Variants in DTNA observed in about 807,000 individuals in gnomAD.
The protein encoded by DTNA is dystrophin-related protein 3.
In DTNA, 43 loss-of-function variants were observed where a neutral mutation model predicts 100.7. The observed-to-expected ratio is 0.43, with a 90% confidence interval of 0.33 to 0.55. DTNA has a LOEUF of 0.55. Among genes scored for constraint, DTNA ranks in the 20% least tolerant of loss-of-function variants. The pLI, the probability that DTNA is intolerant of heterozygous loss-of-function variation, is 0.04. For synonymous variants in DTNA, 349 were observed against 347.9 expected, an observed-to-expected ratio of 1.00 and a Z score of -0.04; for missense variants, 798 against 953.9, an observed-to-expected ratio of 0.84 and a Z score of 2.15.
Position 34,788,054 on chromosome 18 carries a change from C to T in DTNA, c.149-5983C>T, listed in dbSNP as rs144190811. Among the ~76,000 whole-genome samples, 962 of 152,298 alleles carry T rather than the reference C, an allele frequency of 6.3e-3. 15 individuals carry two copies. Among genetic ancestry groups the T allele is most frequent in the African/African-American group, 0.022 (901 of 41,568 alleles). Reference sequence around the variant, plus strand: ...CAACTGTATAGATGAGGGAATTCCTCCTATCTCCTGTGCCTAGTAGCAGGT... The same window carrying T: ...CAACTGTATAGATGAGGGAATTCCTTCTATCTCCTGTGCCTAGTAGCAGGT... On this transcript the variant is annotated intron_variant, in intron 3 of 22. Transcript: ENST00000444659.
chr18:34,565,759 T>G (rs2047028195), intron 1 of DTNA, among the ~76,000 whole-genome samples: 1 of 152,220 alleles, frequency 6.6e-6, no homozygotes, highest in South Asian at 2.1e-4. Flanking sequence ...CATCCCAAGA[T>G]CTAACTTAAT....
intron 1 of DTNA, among the ~76,000 whole-genome samples, chr18:34,627,724 A>T (rs1386650500): frequency 6.6e-6 from 1 of 152,184 alleles, no homozygotes; most frequent in South Asian, 2.1e-4. Flanking sequence ...AGGATGATGC[A>T]CATGATTGTG....
chr18:34,868,766 A>G (rs2096734620), intron 17 of DTNA: 1 of 985,038 alleles, frequency 1.0e-6, no homozygotes, highest in Non-Finnish European at 1.2e-6. Flanking sequence ...ATATAATGTG[A>G]TGATTATGAT....
At chr18:34,848,258 G>A (rs1471317417) in intron 13 of DTNA, 38 bp from the exon 14 acceptor site, 1 of 1,601,862 alleles carries the variant, frequency 6.2e-7, no homozygotes, top group African/African-American at 1.3e-5. Flanking sequence ...ATCTTTCTCA[G>A]TTGCCTAACG....
chr18:34,753,664 G>C (rs1180527259), intron 1 of DTNA, among the ~76,000 whole-genome samples: 1 of 141,772 alleles, frequency 7.1e-6, no homozygotes, highest in Non-Finnish European at 1.5e-5. Flanking sequence ...TTACAGGCGT[G>C]AGCCACCGCG....
At chr18:34,794,323 C>T in intron 4 of DTNA, 73 bp downstream of exon 4, 1 of 1,555,612 alleles carries the variant, frequency 6.4e-7, no homozygotes, top group Non-Finnish European at 8.9e-7. Context: ...GGTCTTTTTC[C>T]CAAACAATTT....
intron 1 of DTNA, among the ~76,000 whole-genome samples, chr18:34,560,160 C>G (rs2046504124): frequency 6.6e-6 from 1 of 152,150 alleles, no homozygotes; most frequent in Admixed American, 6.5e-5. Flanking sequence ...ATCATCCTCT[C>G]TGGGTTAGAT....
Position 34,815,940 on chromosome 18 carries a change from C to T in DTNA, c.635C>T (p.Thr212Met), listed in dbSNP as rs1174663916. ...GTCACGTTAAATGGTTTCTTGGACA[C>T]GCTTATGTCAGATCCTCCCCCGCAG... is the stretch of plus-strand genomic sequence containing the variant. ...KKVTLNGFLD[T>M]LMSDPPPQCL... The change falls in exon 7 of 23, where the codon ACG becomes ATG. Residue 212 changes from threonine (T) to methionine (M), a missense_variant. Physicochemically the swap from Thr to Met is moderately conservative, Grantham distance 81. Around this residue, in one of 6 missense-constraint regions of DTNA, gnomAD observed 81 missense variants for 153.5 expected, o/e 0.53. Transcript: ENST00000444659. 16 of 1,613,718 alleles carry T rather than the reference C, an allele frequency of 9.9e-6. No homozygotes were observed. The highest frequency in any genetic ancestry group is 1.3e-5 in the Non-Finnish European group (15 of 1,179,758).
At chr18:34,499,307 C>T (rs1350578812) in intron 1 of DTNA, among the ~76,000 whole-genome samples, 1 of 152,144 alleles carries the variant, frequency 6.6e-6, no homozygotes, top group Non-Finnish European at 1.5e-5. Flanking sequence ...TGTTGAATGT[C>T]CCAATAGCTT....
At chr18:34,665,936 C>T (rs2075860080) in intron 1 of DTNA, among the ~76,000 whole-genome samples, 1 of 152,044 alleles carries the variant, frequency 6.6e-6, no homozygotes, top group Non-Finnish European at 1.5e-5. Context: ...GGGTATATAC[C>T]CAGTAATAGG....
At chr18:34,724,759 C>T (rs934761981) in intron 1 of DTNA, among the ~76,000 whole-genome samples, 15 of 152,118 alleles carry the variant, frequency 9.9e-5, no homozygotes, top group African/African-American at 2.9e-4. Context: ...CACATTTCAG[C>T]ATAAGATTTG....
rs571507201 is a variant in DTNA, at chr18:34,813,079, C to T, written c.603+966C>T. ...ACCTCTCTGGTCATGTAGAGAGACT[C>T]CAGGCCCATTCTCCAGCGTAGCCCA... On this transcript the variant is annotated intron_variant, in intron 6 of 22. Coordinates refer to ENST00000444659, the MANE Select transcript of DTNA (RefSeq NM_001386795.1). 1.6e-4 allele frequency among the ~76,000 whole-genome samples: 24 copies of T among 152,278 alleles called. No homozygotes were observed. The South Asian group carries it at 5.0e-3, about 32-fold the overall frequency.
chr18:34,779,463 A>C (rs987724947), intron 3 of DTNA, among the ~76,000 whole-genome samples: 9 of 152,138 alleles, frequency 5.9e-5, no homozygotes, highest in Non-Finnish European at 1.5e-5. Flanking sequence ...TTGATAACTT[A>C]TTTAGCTTTT....
Position 34,588,686 on chromosome 18 carries a change from A to AGTGTGTGTGTGTGTGCGTGT in DTNA, c.-2+95187_-2+95188insCGTGTGTGTGTGTGTGTGTG, listed in dbSNP as rs1555632823. Among the ~76,000 whole-genome samples, 296 of 149,654 alleles carry AGTGTGTGTGTGTGTGCGTGT rather than the reference A, an allele frequency of 2.0e-3. 2 individuals are homozygous for AGTGTGTGTGTGTGTGCGTGT. The highest frequency in any genetic ancestry group is 6.7e-3 in the African/African-American group (274 of 40,852). Reference sequence around the variant, plus strand: ...GCAATTATTCCTACTTGAATATTATAGTGTGTGTGTGTGTGTGTGTGTAGA... The same window carrying AGTGTGTGTGTGTGTGCGTGT: ...GCAATTATTCCTACTTGAATATTATAGTGTGTGTGTGTGTGCGTGTGTGTGTGTGTGTGTGTGTGTGTAGA... On this transcript the variant is annotated intron_variant, in intron 1 of 19. Coordinates refer to the DTNA transcript ENST00000283365.
chr18:34,509,117 A>G (rs1387230946), intron 1 of DTNA, among the ~76,000 whole-genome samples: 1 of 152,072 alleles, frequency 6.6e-6, no homozygotes, highest in Non-Finnish European at 1.5e-5. Flanking sequence ...TTTTGGGGAT[A>G]AGACTTTTCC....
intron 1 of DTNA, among the ~76,000 whole-genome samples, chr18:34,524,402 A>G (rs993169170): frequency 3.9e-5 from 6 of 152,192 alleles, no homozygotes; most frequent in African/African-American, 1.4e-4. Context: ...TAAAAATGAC[A>G]GATTTTTGCT....
chr18:34,521,151 C>T (rs1324787035), intron 1 of DTNA, among the ~76,000 whole-genome samples: 2 of 152,152 alleles, frequency 1.3e-5, no homozygotes, highest in Admixed American at 1.3e-4. Context: ...ATACATGCTC[C>T]TCCTCCAGGC....
chr18:34,570,564 C>T (rs1840114255), intron 1 of DTNA, among the ~76,000 whole-genome samples: 1 of 152,086 alleles, frequency 6.6e-6, no homozygotes, highest in Non-Finnish European at 1.5e-5. Context: ...TGTATTTTTC[C>T]TTGTCCCTGA....
At chr18:34,520,671 T>G (rs1194729368) in intron 1 of DTNA, among the ~76,000 whole-genome samples, 1 of 151,890 alleles carries the variant, frequency 6.6e-6, no homozygotes, top group African/African-American at 2.4e-5. Context: ...AAAATAATAA[T>G]AATAAAAAAT....
Sources: gnomAD v4.1 joint callset for allele counts (sites outside exome capture counted in the v4.1 genomes callset) on GRCh38, gnomAD v4.1.1 for gene constraint, gnomAD v4.1.1 regional missense constraint, MANE v1.5 for transcripts, NCBI Gene and HGNC (gene_info 2026-07-23, HGNC 2026-07-21) for gene names.